MYO5A: variants seen among roughly 807,000 people sequenced by gnomAD.
MYO5A encodes the protein unconventional myosin-Va.
A neutral mutation model predicts 249.7 loss-of-function variants in MYO5A; 98 were observed. The ratio of observed to expected loss-of-function variants is 0.39; its 90% CI spans 0.33 to 0.46. The LOEUF is 0.46. Among genes scored for constraint, MYO5A ranks in the 20% least tolerant of loss-of-function variants. MYO5A has a pLI of 0.98. For synonymous variants in MYO5A, 778 were observed against 810.6 expected (o/e 0.96, Z 0.68); for missense variants, 1,696 against 2,308.8 (o/e 0.73, Z 5.44).
At chr15:52,504,732 A>G (rs1051722120) in intron 1 of MYO5A, among the ~76,000 whole-genome samples, 8 of 152,100 alleles carry the variant, frequency 5.3e-5, no homozygotes, top group African/African-American at 1.9e-4. Flanking sequence ...TCTACTAAAA[A>G]TACAAAAATT....
chr15:52,392,102 C>T, intron 11 of MYO5A, 32 bp from the exon 12 acceptor site: 1 of 1,594,112 alleles, frequency 6.3e-7, no homozygotes, highest in South Asian at 1.1e-5. Flanking sequence ...GCAGTCATTA[C>T]TGGATCATTG....
chr15:52,369,797 C>A (rs1241058885), intron 22 of MYO5A, among the ~76,000 whole-genome samples: 1 of 150,472 alleles, frequency 6.6e-6, no homozygotes, highest in African/African-American at 2.4e-5. Context: ...ATCACATTAA[C>A]CCTACTGAAG....
At chr15:52,452,766 T>C (rs1212859752) in intron 1 of MYO5A, among the ~76,000 whole-genome samples, 1 of 151,540 alleles carries the variant, frequency 6.6e-6, no homozygotes, top group Non-Finnish European at 1.5e-5. Context: ...AAGAATCACT[T>C]GTACCCGGGA....
At position 52,528,676 on chromosome 15, in the gene MYO5A, T is replaced by G. The variant is rs962153544; in HGVS notation, c.27+104A>C. The stretch of plus-strand genomic sequence containing the variant: ...GAGGCGCTGAAGGGGATGGCGCTGG[T>G]GGGGCTCGCCTGGGCCCGGCGCTCC... On this transcript the variant is annotated intron_variant, in intron 1 of 41. Transcript: ENST00000399233. The G allele has an allele frequency of 2.7e-5, 36 of 1,324,718 alleles. No individual in the cohort carries two copies. The South Asian group carries it at 5.3e-4, about 20-fold the overall frequency. 82.1% of individuals were successfully genotyped at this position (1,324,718 alleles called of 1,614,324 possible). A position where few individuals can be genotyped will look rare whatever the true frequency, so the allele number is the denominator to read the frequency against.
At chr15:52,418,923 A>G (rs955112475) in intron 4 of MYO5A, among the ~76,000 whole-genome samples, 2 of 152,190 alleles carry the variant, frequency 1.3e-5, no homozygotes, top group African/African-American at 2.4e-5. Flanking sequence ...TTTACCCTTT[A>G]AAATATGTAA....
intron 31 of MYO5A, among the ~76,000 whole-genome samples, chr15:52,342,887 G>C (rs1236573144): frequency 6.6e-6 from 1 of 151,278 alleles, no homozygotes; most frequent in Non-Finnish European, 1.5e-5. Flanking sequence ...CTGCACTCCA[G>C]CCTAGGCAAC....
At chr15:52,399,376 T>G (rs972463745) in intron 9 of MYO5A, among the ~76,000 whole-genome samples, 1 of 152,178 alleles carries the variant, frequency 6.6e-6, no homozygotes, top group Non-Finnish European at 1.5e-5. Context: ...TACCTCACTG[T>G]AGCCTCAAAC....
intron 37 of MYO5A, 105 bp from the exon 38 acceptor site, chr15:52,321,614 C>G: frequency 7.8e-7 from 1 of 1,281,708 alleles, no homozygotes. Flanking sequence ...CTGCTCTGTC[C>G]AAGGAGCTTC....
chr15:52,451,694 G>C (rs1438100115), intron 1 of MYO5A, among the ~76,000 whole-genome samples: 1 of 152,088 alleles, frequency 6.6e-6, no homozygotes, highest in South Asian at 2.1e-4. Flanking sequence ...CAAGCCTCGA[G>C]ATTTTCTCTC....
At chr15:52,383,226 G>A in intron 15 of MYO5A, 38 bp from the exon 16 acceptor site, 1 of 1,506,318 alleles carries the variant, frequency 6.6e-7, no homozygotes, top group Non-Finnish European at 9.2e-7. Context: ...TCAAGGCTTT[G>A]TCCAAAGTCA....
intron 1 of MYO5A, among the ~76,000 whole-genome samples, chr15:52,515,784 C>A (rs1003597802): frequency 6.6e-6 from 1 of 152,154 alleles, no homozygotes; most frequent in East Asian, 1.9e-4. Flanking sequence ...TGGAAGTCAT[C>A]AGCACAGGGC....
intron 1 of MYO5A, among the ~76,000 whole-genome samples, chr15:52,477,822 A>G (rs139493648): frequency 2.6e-5 from 4 of 152,258 alleles, no homozygotes; most frequent in East Asian, 1.9e-4. Context: ...GTCAGCCCCA[A>G]CTGTGAGGTG....
intron 1 of MYO5A, among the ~76,000 whole-genome samples, chr15:52,528,280 T>C (rs1323764553): frequency 6.6e-6 from 1 of 152,154 alleles, no homozygotes; most frequent in Non-Finnish European, 1.5e-5. Flanking sequence ...CTAAAGGTGA[T>C]ACGGCCACCG....
At chr15:52,479,483 A>T (rs2076671612) in intron 1 of MYO5A, among the ~76,000 whole-genome samples, 1 of 152,218 alleles carries the variant, frequency 6.6e-6, no homozygotes, top group East Asian at 1.9e-4. Context: ...TTAAAAATCC[A>T]TGTGTAAGTG....
In MYO5A at chr15:52,367,020, A is replaced by G. The variant is rs928765007; in HGVS notation, c.3160+11T>C. The stretch of plus-strand genomic sequence containing the variant: ...AGGTTGGTTGGCGTGTAGTACGCAT[A>G]TAAGCTTTACCTGTCATCTCCTTAG... On this transcript the variant is annotated intron_variant, in intron 23 of 41. Transcript: ENST00000399233. 5 of 1,612,228 alleles carry G rather than the reference A, an allele frequency of 3.1e-6. No individual in the cohort carries two copies. In the African/African-American group the frequency reaches 6.7e-5, roughly 22 times the overall value.
rs763216913 is a variant in MYO5A at position 52,330,399 on chromosome 15, T to C, written c.4509A>G (p.Glu1503=). The C allele has an allele frequency of 1.3e-5, 21 of 1,614,070 alleles. No homozygotes were observed. The Admixed American group carries it at 3.5e-4, about 27-fold the overall frequency. Residue 1503 remains glutamate, a synonymous_variant, in exon 35 of 42, where the codon GAA becomes GAG. Transcript: ENST00000399233. Reference sequence around the variant, plus strand: ...GTTTTTGCTCATCCTCCTTCTTGTATTCCAGCATCCCTTGGAAATCCTTTT... The same window carrying C: ...GTTTTTGCTCATCCTCCTTCTTGTACTCCAGCATCCCTTGGAAATCCTTTT... The part of the protein sequence containing the change: ...RKEKDFQGML[E]YKKEDEQKLV...
intron 1 of MYO5A, among the ~76,000 whole-genome samples, chr15:52,526,619 G>A (rs778445822): frequency 6.6e-5 from 10 of 152,202 alleles, no homozygotes; most frequent in East Asian, 5.8e-4. Flanking sequence ...CCTCGGCAAC[G>A]TGTTGGGATT....
At chr15:52,502,026 C>A (rs1455464792) in intron 1 of MYO5A, among the ~76,000 whole-genome samples, 1 of 151,950 alleles carries the variant, frequency 6.6e-6, no homozygotes, top group Non-Finnish European at 1.5e-5. Context: ...TATATATAAA[C>A]TAATATTAAA....
intron 9 of MYO5A, among the ~76,000 whole-genome samples, chr15:52,403,775 T>C (rs186735250): frequency 2.8e-4 from 43 of 152,304 alleles, no homozygotes; most frequent in Non-Finnish European, 4.7e-4. Flanking sequence ...ATTAGAATCA[T>C]CATTTTGCCT....
Sources: gnomAD v4.1 joint callset for allele counts (sites outside exome capture counted in the v4.1 genomes callset) on GRCh38, gnomAD v4.1.1 for gene constraint, MANE v1.5 for transcripts, NCBI Gene and HGNC (gene_info 2026-07-23, HGNC 2026-07-21) for gene names.